ARHGAP28: variants seen among roughly 807,000 people sequenced by gnomAD.
The protein encoded by ARHGAP28 is rho GTPase-activating protein 28.
Under a neutral mutation model 90.7 loss-of-function variants are expected in ARHGAP28, and 56 were observed. The ratio of observed to expected loss-of-function variants is 0.62; its 90% CI spans 0.50 to 0.77. ARHGAP28 has a LOEUF of 0.77. ARHGAP28 is among the 30% of genes least tolerant of loss of function. The pLI is 0.00. For synonymous variants in ARHGAP28, 308 were observed against 323.3 expected (o/e 0.95, Z 0.51); for missense variants, 869 against 900.9 (o/e 0.96, Z 0.45).
At chr18:6,844,230 C>T (rs1183224941) in intron 3 of ARHGAP28, among the ~76,000 whole-genome samples, 1 of 152,026 alleles carries the variant, frequency 6.6e-6, no homozygotes, top group African/African-American at 2.4e-5. Flanking sequence ...ACAGAAAACA[C>T]AAGAAATAAT....
At chr18:6,873,964 C>T (rs2057111146) in intron 9 of ARHGAP28, among the ~76,000 whole-genome samples, 189 bp downstream of exon 9, 1 of 152,220 alleles carries the variant, frequency 6.6e-6, no homozygotes, top group African/African-American at 2.4e-5. Context: ...GGCCAGTTGG[C>T]CTTGCTGCAT....
chr18:6,773,494 G>T (rs1054012883), intron 1 of ARHGAP28, among the ~76,000 whole-genome samples: 1 of 152,136 alleles, frequency 6.6e-6, no homozygotes, highest in African/African-American at 2.4e-5. Flanking sequence ...TGCAAAGTGC[G>T]TATTATCAAT....
Position 6,912,271 on chromosome 18 carries a change from T to C in ARHGAP28, c.*117T>C. The C allele has an allele frequency of 5.4e-6, 3 of 555,480 alleles. No homozygotes were observed. The South Asian group carries it at 1.0e-4, about 19-fold the overall frequency. 34.4% of individuals were successfully genotyped at this position (555,480 alleles called of 1,614,324 possible). A position where few individuals can be genotyped will look rare whatever the true frequency, so the allele number is the denominator to read the frequency against. ...GTTCCTACAGCATTCTCAGTATTTC[T>C]GGCCCTCAGCAGTGGGCATTGTAAG... On this transcript the variant is annotated 3_prime_UTR_variant, in exon 18 of 18. Transcript: ENST00000383472.
intron 1 of ARHGAP28, among the ~76,000 whole-genome samples, chr18:6,761,078 C>T (rs749711542): frequency 2.0e-5 from 3 of 151,682 alleles, no homozygotes; most frequent in Admixed American, 6.6e-5. Flanking sequence ...ATATATTATA[C>T]GATTCCCTTT....
chr18:6,739,413 A>G (rs2055955697), intron 1 of ARHGAP28, among the ~76,000 whole-genome samples: 1 of 151,888 alleles, frequency 6.6e-6, no homozygotes, highest in Non-Finnish European at 1.5e-5. Context: ...ATATAATAAT[A>G]TATTTGAGAA....
intron 10 of ARHGAP28, among the ~76,000 whole-genome samples, chr18:6,879,845 A>G (rs978622775): frequency 3.9e-5 from 6 of 152,114 alleles, no homozygotes; most frequent in African/African-American, 1.2e-4. Flanking sequence ...TCCATTGTAC[A>G]TTGAGAAGCT....
At position 6,837,602 on chromosome 18, in the gene ARHGAP28, T is replaced by C. The variant is rs139366260; in HGVS notation, c.543+188T>C. On this transcript the variant is annotated intron_variant, in intron 3 of 17. Coordinates refer to ENST00000383472, the MANE Select transcript of ARHGAP28 (RefSeq NM_001366230.1). The stretch of plus-strand genomic sequence containing the variant: ...TTTGAACTTAAGTGATCATTTCTTA[T>C]CTCCTGTACTGCAATCTCCCTCAAT... Among the ~76,000 whole-genome samples the C allele has an allele frequency of 3.9e-5, 6 of 152,302 alleles. No homozygotes were observed. In the East Asian group the frequency reaches 1.2e-3, roughly 29 times the overall value.
intron 4 of ARHGAP28, among the ~76,000 whole-genome samples, chr18:6,851,734 T>C (rs530135578): frequency 6.6e-6 from 1 of 152,320 alleles, no homozygotes; most frequent in South Asian, 2.1e-4. Context: ...AGCAACAAAC[T>C]GTTGATACGC....
intron 1 of ARHGAP28, among the ~76,000 whole-genome samples, chr18:6,799,643 G>C (rs2056467631): frequency 6.6e-6 from 1 of 152,152 alleles, no homozygotes; most frequent in African/African-American, 2.4e-5. Context: ...AGGATTCCCT[G>C]TTTAATAAAT....
In ARHGAP28 at chr18:6,912,205, C is replaced by T. The variant is rs371568682; in HGVS notation, c.*51C>T. 9.8e-6 allele frequency: 11 copies of T among 1,117,184 alleles called. No individual in the cohort carries two copies. In the African/African-American group the frequency reaches 1.2e-4, roughly 13 times the overall value. The allele number at this position is 1,117,184 out of a possible 1,614,324, so 69.2% of individuals were successfully genotyped here. A position where few individuals can be genotyped will look rare whatever the true frequency, so the allele number is the denominator to read the frequency against. Reference sequence around the variant, plus strand: ...TGTATTATATGCCAAAAAGATCCTACATTTTGGTAGGGAAAAAACAACACT... The same window carrying T: ...TGTATTATATGCCAAAAAGATCCTATATTTTGGTAGGGAAAAAACAACACT... On this transcript the variant is annotated 3_prime_UTR_variant, in exon 18 of 18. Coordinates refer to ENST00000383472, the MANE Select transcript of ARHGAP28 (RefSeq NM_001366230.1).
At chr18:6,783,581 G>A (rs527656884) in intron 1 of ARHGAP28, among the ~76,000 whole-genome samples, 10 of 152,092 alleles carry the variant, frequency 6.6e-5, no homozygotes, top group Middle Eastern at 3.4e-3. Flanking sequence ...GATTACAGGC[G>A]TGAGCCACCA....
At chr18:6,838,700 A>G (rs1272244163) in intron 3 of ARHGAP28, among the ~76,000 whole-genome samples, 4 of 152,248 alleles carry the variant, frequency 2.6e-5, no homozygotes, top group South Asian at 2.1e-4. Context: ...TGTATTGAAT[A>G]ACATAGTTCT....
At chr18:6,896,691 C>T in intron 16 of ARHGAP28, 65 bp downstream of exon 16, 2 of 1,577,304 alleles carry the variant, frequency 1.3e-6, no homozygotes, top group Non-Finnish European at 1.7e-6. Context: ...GAATAACTTT[C>T]TAGGCATTTA....
chr18:6,878,434 A>T (rs1402143823), intron 10 of ARHGAP28, among the ~76,000 whole-genome samples: 1 of 151,634 alleles, frequency 6.6e-6, no homozygotes, highest in Non-Finnish European at 1.5e-5. Context: ...AGCATGGCAC[A>T]TGTATACATA....
At chr18:6,852,550 G>C (rs1250012804) in intron 4 of ARHGAP28, among the ~76,000 whole-genome samples, 1 of 152,124 alleles carries the variant, frequency 6.6e-6, no homozygotes, top group Non-Finnish European at 1.5e-5. Context: ...TAAGCAAGTA[G>C]TGTTTTCTTT....
At chr18:6,752,545 T>C (rs1209619224) in intron 1 of ARHGAP28, among the ~76,000 whole-genome samples, 1 of 152,236 alleles carries the variant, frequency 6.6e-6, no homozygotes, top group East Asian at 1.9e-4. Context: ...ATCATTTGTG[T>C]CTTCAGTGCA....
intron 1 of ARHGAP28, among the ~76,000 whole-genome samples, chr18:6,800,440 C>A (rs935897741): frequency 9.2e-5 from 14 of 152,138 alleles, no homozygotes; most frequent in Non-Finnish European, 8.8e-5. Context: ...TTCACAAAAG[C>A]AAAGACTTGG....
intron 11 of ARHGAP28, among the ~76,000 whole-genome samples, chr18:6,882,854 G>A (rs935152937): frequency 2.0e-5 from 3 of 152,214 alleles, no homozygotes. Context: ...AGGCCTTTAA[G>A]TGAAGTATGT....
intron 1 of ARHGAP28, among the ~76,000 whole-genome samples, chr18:6,766,249 G>A (rs144587042): frequency 7.9e-5 from 12 of 152,260 alleles, no homozygotes; most frequent in African/African-American, 2.9e-4. Context: ...GTTCTGAAGG[G>A]TTTTTACTTC....
Sources: gnomAD v4.1 joint callset for allele counts (sites outside exome capture counted in the v4.1 genomes callset) on GRCh38, gnomAD v4.1.1 for gene constraint, MANE v1.5 for transcripts, NCBI Gene and HGNC (gene_info 2026-07-23, HGNC 2026-07-21) for gene names.